ZNF622: variants seen among roughly 807,000 people sequenced by gnomAD.
ZNF622 encodes the protein zinc finger protein 622, also known as cytoplasmic 60S subunit biogenesis factor ZNF622.
ZNF622 carries 34 observed loss-of-function variants against 49.7 expected under a neutral mutation model. The ratio of observed to expected loss-of-function variants is 0.68; its 90% CI spans 0.52 to 0.91. ZNF622 has a LOEUF of 0.91. ZNF622 is among the 40% of genes least tolerant of loss of function. The pLI, the probability that ZNF622 is intolerant of heterozygous loss-of-function variation, is 0.00. For synonymous variants in ZNF622, 209 were observed against 228.7 expected, an observed-to-expected ratio of 0.91 and a Z score of 0.78; for missense variants, 569 against 616.4, an observed-to-expected ratio of 0.92 and a Z score of 0.81.
intron 3 of ZNF622, among the ~76,000 whole-genome samples, chr5:16,461,835 G>A (rs544962178): frequency 1.3e-5 from 2 of 152,252 alleles, no homozygotes; most frequent in East Asian, 1.9e-4. Context: ...TGGGGGTCAC[G>A]GGCCTACAGA....
intron 4 of ZNF622, among the ~76,000 whole-genome samples, chr5:16,456,417 C>G (rs1738024602): frequency 6.6e-6 from 1 of 152,178 alleles, no homozygotes; most frequent in South Asian, 2.1e-4. Flanking sequence ...TCACAGTGCC[C>G]TCTAGTGGAT....
At chr5:16,459,554 C>T (rs2126492978) in intron 3 of ZNF622, among the ~76,000 whole-genome samples, 1 of 152,192 alleles carries the variant, frequency 6.6e-6, no homozygotes, top group East Asian at 1.9e-4. Flanking sequence ...ATACACACAA[C>T]AGATAACCTA....
rs1738167390 is a variant in ZNF622 at position 16,463,983 on chromosome 5, T to G, written c.626-241A>C. 6.6e-6 allele frequency among the ~76,000 whole-genome samples: 1 copy of G among 152,206 alleles called. No individual in the cohort carries two copies. Among genetic ancestry groups the G allele is most frequent in the Non-Finnish European group, 1.5e-5 (1 of 68,046 alleles). On this transcript the variant is annotated intron_variant, in intron 1 of 5. Coordinates refer to ENST00000308683, the MANE Select transcript of ZNF622 (RefSeq NM_033414.3). This position sits in a 1 kb window ranked among gnomAD's most constrained non-coding sequence, Gnocchi z 4.2. Reference sequence around the variant, plus strand: ...AAACAGGAATCTTTTCTTTGTTTCTTTCCTATGCCTTACAGCACCTAGCCC... The same window carrying G: ...AAACAGGAATCTTTTCTTTGTTTCTGTCCTATGCCTTACAGCACCTAGCCC...
chr5:16,460,969 A>G (rs1738111451), intron 3 of ZNF622, among the ~76,000 whole-genome samples: 1 of 152,238 alleles, frequency 6.6e-6, no homozygotes, highest in South Asian at 2.1e-4. Context: ...GAGACAATAA[A>G]TAATATACAA....
intron 4 of ZNF622, among the ~76,000 whole-genome samples, chr5:16,455,478 G>C (rs934433780): frequency 2.0e-5 from 3 of 152,170 alleles, no homozygotes; most frequent in African/African-American, 7.2e-5. Context: ...TCAAAGACAT[G>C]GTCTTTGGAT....
At chr5:16,464,282 G>A (rs945728817) in intron 1 of ZNF622, among the ~76,000 whole-genome samples, 14 of 152,156 alleles carry the variant, frequency 9.2e-5, no homozygotes, top group Admixed American at 3.9e-4. Flanking sequence ...GGATTAGTGC[G>A]AGGGAACTGG....
chr5:16,465,796 T>A lies in ZNF622; in HGVS notation c.-131A>T. ...ACTCGACACGCCGACTTCCTGATTG[T>A]CACTGAGGAAACTTCCGGCACACGT... On this transcript the variant is annotated 5_prime_UTR_variant, in exon 1 of 6. Coordinates refer to ENST00000308683, the MANE Select transcript of ZNF622 (RefSeq NM_033414.3). This position sits in a 1 kb window ranked among gnomAD's most constrained non-coding sequence, Gnocchi z 6.2. 8.0e-7 allele frequency: 1 copy of A among 1,256,094 alleles called. No individual in the cohort carries two copies. The highest frequency in any genetic ancestry group is 1.1e-6 in the Non-Finnish European group (1 of 918,534). 77.8% of individuals were successfully genotyped at this position (1,256,094 alleles called of 1,614,324 possible). A position where few individuals can be genotyped will look rare whatever the true frequency, so the allele number is the denominator to read the frequency against.
intron 4 of ZNF622, among the ~76,000 whole-genome samples, chr5:16,454,446 CCACTG>C (rs1737988935): frequency 7.4e-6 from 1 of 134,648 alleles, no homozygotes; most frequent in Non-Finnish European, 1.5e-5. Flanking sequence ...CAAGATCATA[CCACTG>C]CACTCCAGCC....
intron 4 of ZNF622, among the ~76,000 whole-genome samples, chr5:16,456,544 G>A (rs1738026382): frequency 6.6e-6 from 1 of 152,222 alleles, no homozygotes; most frequent in Non-Finnish European, 1.5e-5. Context: ...TAAATGGACA[G>A]AAGATGAGTT....
Position 16,465,154 on chromosome 5 carries a change from C to T in ZNF622, c.512G>A (p.Arg171Gln), listed in dbSNP as rs752799836. The change falls in exon 1 of 6, where the codon CGA becomes CAA. Residue 171 changes from arginine (R) to glutamine (Q), a missense_variant. Arg to Gln is a conservative substitution (Grantham distance 43, BLOSUM62 1). Coordinates refer to ENST00000308683, the MANE Select transcript of ZNF622 (RefSeq NM_033414.3). The surrounding 1 kb of genome is among the most constrained non-coding windows in gnomAD (Gnocchi z 6.2). The part of the protein sequence containing the change: ...VGTGGRGTHD[R>Q]DPSEKPPRLQ... ...CCGGGGTGGTTTCTCACTCGGGTCT[C>T]GGTCGTGGGTCCCACGGCCACCAGT... is the stretch of plus-strand genomic sequence containing the variant. The T allele has an allele frequency of 5.0e-6, 8 of 1,614,202 alleles. No homozygotes were observed. The South Asian group carries it at 8.8e-5, about 18-fold the overall frequency.
chr5:16,453,206 A>G, intron 4 of ZNF622, 50 bp from the exon 5 acceptor site: 1 of 1,372,420 alleles, frequency 7.3e-7, no homozygotes, highest in Non-Finnish European at 9.5e-7. Context: ...TAGTTTTTTC[A>G]AGGCAGAGCT....
At chr5:16,458,436 T>C in intron 4 of ZNF622, 81 bp downstream of exon 4, 2 of 968,328 alleles carry the variant, frequency 2.1e-6, no homozygotes, top group Middle Eastern at 2.3e-4. Flanking sequence ...TTTCCCTCAG[T>C]ATGGAAAGTA....
At chr5:16,453,561 A>ATATATG (rs1737969746) in intron 4 of ZNF622, among the ~76,000 whole-genome samples, 7 of 33,120 alleles carry the variant, frequency 2.1e-4, no homozygotes, top group Admixed American at 1.2e-3. Flanking sequence ...AATAAAAATT[A>ATATATG]TATATATATA....
intron 1 of ZNF622, among the ~76,000 whole-genome samples, chr5:16,464,134 T>TCTATGAA (rs1738170288): frequency 6.6e-6 from 1 of 151,510 alleles, no homozygotes; most frequent in Admixed American, 6.6e-5. Context: ...GGTAGGGTGC[T>TCTATGAA]CTATGAACGG....
In ZNF622 at chr5:16,465,577, T is replaced by C. The variant is rs769820208; in HGVS notation, c.89A>G (p.Tyr30Cys). ...RAHYKTDWHR[Y>C]NLRRKVASMA... The stretch of plus-strand genomic sequence containing the variant: ...GCTGGCCACCTTCCGCCGCAGGTTG[T>C]AGCGGTGCCAGTCCGTCTTATAGTG... The change falls in exon 1 of 6, where the codon TAC (tyrosine) becomes TGC (cysteine). Residue 30 changes from tyrosine (Y) to cysteine (C), a missense_variant. Transcript: ENST00000308683. The surrounding 1 kb of genome is among the most constrained non-coding windows in gnomAD (Gnocchi z 6.2). 3.7e-6 allele frequency: 6 copies of C among 1,613,506 alleles called. No individual in the cohort carries two copies. Among genetic ancestry groups the C allele is most frequent in the Non-Finnish European group, 4.2e-6 (5 of 1,179,816 alleles).
In ZNF622 at chr5:16,465,458, T is replaced by G; in HGVS notation, c.208A>C (p.Thr70Pro). The G allele has an allele frequency of 6.2e-7, 1 of 1,614,238 alleles. No individual in the cohort carries two copies. The highest frequency in any genetic ancestry group is 8.5e-7 in the Non-Finnish European group (1 of 1,180,038). The change falls in exon 1 of 6, where the codon ACC (threonine) becomes CCC (proline). Residue 70 changes from threonine to proline, a missense_variant. By Grantham distance (38) the Thr-to-Pro change is conservative. Transcript: ENST00000308683. This position sits in a 1 kb window ranked among gnomAD's most constrained non-coding sequence, Gnocchi z 6.2. ...GAGGCAAACTTCTTACTGCAAACGGTGCAGTAGGTGGCCGAGCCCTTGCTC... is the reference window on the plus strand; with the variant it reads ...GAGGCAAACTTCTTACTGCAAACGGGGCAGTAGGTGGCCGAGCCCTTGCTC... The part of the protein sequence containing the change: ...EESKGSATYC[T>P]VCSKKFASFN...
In ZNF622 at chr5:16,463,313, G is replaced by A. The variant is rs146246057; in HGVS notation, c.887-43C>T. The stretch of plus-strand genomic sequence containing the variant: ...GGAAAAAATATGAAAAAAGCTTTTT[G>A]CAACCAGATTAAATCTCACTATTTG... On this transcript the variant is annotated intron_variant, in intron 2 of 5. Coordinates refer to ENST00000308683, the MANE Select transcript of ZNF622 (RefSeq NM_033414.3). This position sits in a 1 kb window ranked among gnomAD's most constrained non-coding sequence, Gnocchi z 4.2. 1,121 of 1,569,192 alleles carry A rather than the reference G, an allele frequency of 7.1e-4. 3 individuals are homozygous for A. In the African/African-American group the frequency reaches 0.014, roughly 20 times the overall value.
At position 16,457,359 on chromosome 5, in the gene ZNF622, T is replaced by C. The variant is rs539731294; in HGVS notation, c.1162+1158A>G. Among the ~76,000 whole-genome samples the C allele has an allele frequency of 1.1e-4, 16 of 152,330 alleles. No individual in the cohort carries two copies. In the South Asian group the frequency reaches 3.1e-3, roughly 30 times the overall value. On this transcript the variant is annotated intron_variant, in intron 4 of 5. Transcript: ENST00000308683. ...AAACATACAGTTCTGGAAAATAAGTTATTAAACATATTTCTGATGTTCTAT... is the reference window on the plus strand; with the variant it reads ...AAACATACAGTTCTGGAAAATAAGTCATTAAACATATTTCTGATGTTCTAT...
chr5:16,465,193 A>G lies in ZNF622; in HGVS notation c.473T>C (p.Val158Ala). Residue 158 changes from valine (V) to alanine (A), a missense_variant, in exon 1 of 6, where the codon GTC becomes GCC. By Grantham distance (64) the Val-to-Ala change is moderately conservative. Transcript: ENST00000308683. The surrounding 1 kb of genome is among the most constrained non-coding windows in gnomAD (Gnocchi z 6.2). ...ACGGCCACCAGTACCCACGGCCACGACATTCCTGGCCTCCTTTGCAGGCGC... is the reference window on the plus strand; with the variant it reads ...ACGGCCACCAGTACCCACGGCCACGGCATTCCTGGCCTCCTTTGCAGGCGC... Reference protein sequence around the residue: ...PPAPAKEARNVVAVGTGGRGT... With the variant: ...PPAPAKEARNAVAVGTGGRGT... 1 of 1,614,150 alleles carries G rather than the reference A, an allele frequency of 6.2e-7. No individual in the cohort carries two copies. The highest frequency in any genetic ancestry group is 1.1e-5 in the South Asian group (1 of 91,084).
Sources: gnomAD v4.1 joint callset for allele counts (sites outside exome capture counted in the v4.1 genomes callset) on GRCh38, gnomAD v4.1.1 for gene constraint, Gnocchi (gnomAD v3.1) non-coding constraint, MANE v1.5 for transcripts, NCBI Gene and HGNC (gene_info 2026-07-23, HGNC 2026-07-21) for gene names.